The following PTRH1 variants were observed in gnomAD, a reference collection of about 807,000 sequenced individuals.
PTRH1 encodes peptidyl-tRNA hydrolase 1 homolog, also known as peptidyl-tRNA hydrolase.
PTRH1 carries 13 observed loss-of-function variants against 15.7 expected under a neutral mutation model. The ratio of observed to expected loss-of-function variants is 0.83; its 90% CI spans 0.54 to 1.31. The LOEUF is 1.31. Among genes scored for constraint, PTRH1 ranks in the 40% most tolerant of loss-of-function variants. PTRH1 has a pLI of 0.00. For missense variants in PTRH1, 319 were observed against 296.2 expected (o/e 1.08, Z -0.56); for synonymous variants, 139 against 136.7 (o/e 1.02, Z -0.12).
intron 2 of PTRH1, 36 bp downstream of exon 2, chr9:127,714,939 T>A: frequency 2.5e-6 from 1 of 407,886 alleles, no homozygotes; most frequent in Non-Finnish European, 4.5e-6. Flanking sequence ...CCCACCCCCT[T>A]GGCCCGCCCG....
intron 1 of PTRH1, among the ~76,000 whole-genome samples, chr9:127,706,303 G>A (rs1326727940): frequency 6.6e-6 from 1 of 151,854 alleles, no homozygotes; most frequent in East Asian, 1.9e-4. Flanking sequence ...CTGCCCCAAG[G>A]GTCCTACAAC....
downstream of PTRH1, chr9:127,711,907 G>A (rs1174020299): frequency 1.2e-6 from 2 of 1,603,932 alleles, no homozygotes; most frequent in South Asian, 2.3e-5. Context: ...GAGCCAGTTG[G>A]AGCAGAGATC....
chr9:127,705,949 C>T lies in PTRH1; in HGVS notation c.205+9486G>A, dbSNP rs141085115. Among the ~76,000 whole-genome samples, 4 of 152,378 alleles carry T rather than the reference C, an allele frequency of 2.6e-5. No individual in the cohort carries two copies. The highest frequency in any genetic ancestry group is 5.9e-5 in the Non-Finnish European group (4 of 68,034). On this transcript the variant is annotated intron_variant, in intron 1 of 2. Coordinates refer to the PTRH1 transcript ENST00000335223. This position sits in a 1 kb window ranked among gnomAD's most constrained non-coding sequence, Gnocchi z 4.7. ...GCACCCTGGGAAGGGCAGACCACCACAGGCGAGGTCCAGGGCTGTCGGAAA... is the reference window on the plus strand; with the variant it reads ...GCACCCTGGGAAGGGCAGACCACCATAGGCGAGGTCCAGGGCTGTCGGAAA...
intron 1 of PTRH1, among the ~76,000 whole-genome samples, chr9:127,703,431 G>C (rs865912720): frequency 1.3e-5 from 2 of 151,998 alleles, no homozygotes; most frequent in Non-Finnish European, 2.9e-5. Flanking sequence ...GGGCGACAGA[G>C]CAAGAGAAAG....
intron 1 of PTRH1, among the ~76,000 whole-genome samples, chr9:127,699,836 G>T (rs1166536788): frequency 6.6e-6 from 1 of 152,132 alleles, no homozygotes; most frequent in Non-Finnish European, 1.5e-5. Flanking sequence ...GATGGGCTAT[G>T]GAGTTGAGCC....
chr9:127,714,916 C>G, intron 2 of PTRH1, 59 bp downstream of exon 2: 1 of 807,612 alleles, frequency 1.2e-6, no homozygotes, highest in Non-Finnish European at 1.9e-6. Context: ...CCTCTGGCCC[C>G]CGCGCCCCAA....
At chr9:127,715,664 G>GCCC, upstream of PTRH1, 1 of 1,604,104 alleles carries the variant, frequency 6.2e-7, no homozygotes, top group Non-Finnish European at 8.5e-7. The surrounding 1 kb of genome is among the most constrained non-coding windows in gnomAD (Gnocchi z 5.8). Flanking sequence ...CTCCGACACC[G>GCCC]CCCCCTGACG....
downstream of PTRH1, chr9:127,713,115 G>C: frequency 6.2e-7 from 1 of 1,612,948 alleles, no homozygotes; most frequent in Non-Finnish European, 8.5e-7. Flanking sequence ...CTGGTACCTC[G>C]CCAGGTCCAC....
chr9:127,711,737 T>C, downstream of PTRH1: 2 of 1,467,684 alleles, frequency 1.4e-6, no homozygotes. Context: ...CCGCTCTGCA[T>C]AGGGGAACAC....
downstream of PTRH1, chr9:127,712,031 C>G: frequency 6.5e-7 from 1 of 1,529,200 alleles, no homozygotes; most frequent in Admixed American, 2.1e-5. Flanking sequence ...ATCCCACGAC[C>G]CAGGCCAGTG....
intron 1 of PTRH1, among the ~76,000 whole-genome samples, chr9:127,700,127 T>C (rs1329023688): frequency 6.6e-6 from 1 of 152,162 alleles, no homozygotes; most frequent in Non-Finnish European, 1.5e-5. Flanking sequence ...GAACCTGCGC[T>C]TCTGCTGCTG....
chr9:127,704,530 A>G (rs1263491369), intron 1 of PTRH1, among the ~76,000 whole-genome samples: 2 of 151,460 alleles, frequency 1.3e-5, no homozygotes, highest in Admixed American at 6.6e-5. Flanking sequence ...AAAAGAAAAG[A>G]AAAAGAAAAA....
chr9:127,710,598 CA>C (rs1302011147), downstream of PTRH1: 13 of 1,578,338 alleles, frequency 8.2e-6, no homozygotes, highest in South Asian at 8.1e-5. Context: ...CTGTGGCGGC[CA>C]GGGGGGAAGC....
chr9:127,706,242 T>C (rs1842646344), intron 1 of PTRH1, among the ~76,000 whole-genome samples: 1 of 152,052 alleles, frequency 6.6e-6, no homozygotes, highest in Non-Finnish European at 1.5e-5. Flanking sequence ...CCCACCTCCC[T>C]GTGTTTCTGA....
chr9:127,708,091 C>T (rs1447685751), intron 1 of PTRH1, among the ~76,000 whole-genome samples: 1 of 152,212 alleles, frequency 6.6e-6, no homozygotes, highest in African/African-American at 2.4e-5. Context: ...CTCCTGACTC[C>T]CCTATGCAAG....
intron 2 of PTRH1, chr9:127,694,904 C>T: frequency 1.5e-6 from 1 of 687,548 alleles, no homozygotes; most frequent in East Asian, 2.7e-5. Flanking sequence ...TGGTTAGGAG[C>T]ACAGACTTCA....
chr9:127,712,145 G>A, downstream of PTRH1: 1 of 1,598,102 alleles, frequency 6.3e-7, no homozygotes, highest in Non-Finnish European at 8.5e-7. Flanking sequence ...GCCCCAGGTG[G>A]CCCCAGTCCT....
downstream of PTRH1, chr9:127,709,493 A>G (rs200235994): frequency 1.6e-4 from 262 of 1,614,076 alleles, no homozygotes; most frequent in African/African-American, 2.2e-3. The surrounding 1 kb of genome is among the most constrained non-coding windows in gnomAD (Gnocchi z 4.7). Flanking sequence ...CAGCTGGCCA[A>G]TAACAAGAAG....
downstream of PTRH1, chr9:127,712,830 C>T (rs1318384829): frequency 5.0e-6 from 8 of 1,613,714 alleles, no homozygotes; most frequent in East Asian, 2.2e-5. Flanking sequence ...CAGAAGGCTG[C>T]GTGTCCCCAC....
Sources: gnomAD v4.1 joint callset for allele counts (sites outside exome capture counted in the v4.1 genomes callset) on GRCh38, gnomAD v4.1.1 for gene constraint, Gnocchi (gnomAD v3.1) non-coding constraint, MANE v1.5 for transcripts, NCBI Gene and HGNC (gene_info 2026-07-23, HGNC 2026-07-21) for gene names.